Variants in MYO18A observed in about 807,000 individuals in gnomAD.
MYO18A encodes unconventional myosin-XVIIIa.
In MYO18A, 78 loss-of-function variants were observed where a neutral mutation model predicts 235.8. The observed-to-expected ratio is 0.33, with a 90% CI of 0.28 to 0.40. MYO18A has a LOEUF of 0.40. MYO18A is among the 10% of genes least tolerant of loss of function. MYO18A has a pLI of 1.00. For synonymous variants in MYO18A, 977 were observed against 1,077.8 expected, an observed-to-expected ratio of 0.91 and a Z score of 1.83; for missense variants, 2,215 against 2,699.3, an observed-to-expected ratio of 0.82 and a Z score of 3.98.
Position 29,105,854 on chromosome 17 carries a change from T to C in MYO18A, c.3441+1226A>G, listed in dbSNP as rs538932891. Among the ~76,000 whole-genome samples the C allele has an allele frequency of 9.2e-5, 14 of 152,140 alleles. 1 individual carries two copies. The highest frequency in any genetic ancestry group is 3.4e-4 in the African/African-American group (14 of 41,532). ...AGGAAGTCAAGTCCACAAAGTTGTATAATTTTCTCCCACCACCCTTGGGAG... is the reference window on the plus strand; with the variant it reads ...AGGAAGTCAAGTCCACAAAGTTGTACAATTTTCTCCCACCACCCTTGGGAG... On this transcript the variant is annotated intron_variant, in intron 20 of 41. Transcript: ENST00000527372.
At chr17:29,130,662 A>T (rs905907491) in intron 2 of MYO18A, among the ~76,000 whole-genome samples, 1 of 152,136 alleles carries the variant, frequency 6.6e-6, no homozygotes, top group Non-Finnish European at 1.5e-5. Flanking sequence ...TGAAGTAAGA[A>T]TATGTGTTGT....
In MYO18A at chr17:29,074,050, G is replaced by C; in HGVS notation, c.*720C>G. 1 of 1,614,048 alleles carries C rather than the reference G, an allele frequency of 6.2e-7. No individual in the cohort carries two copies. The highest frequency in any genetic ancestry group is 8.5e-7 in the Non-Finnish European group (1 of 1,180,014). On this transcript the variant is annotated 3_prime_UTR_variant, in exon 42 of 42. Coordinates refer to ENST00000527372, the MANE Select transcript of MYO18A (RefSeq NM_078471.4). The surrounding 1 kb of genome is among the most constrained non-coding windows in gnomAD (Gnocchi z 4.4). ...GTGCGGATGGTCCACACACACACTT[G>C]TCTGCGTAGGCTTGCTCAACCCAGC...
At position 29,158,410 on chromosome 17, in the gene MYO18A, G is replaced by A. The variant is rs1467339411; in HGVS notation, c.999+7532C>T. On this transcript the variant is annotated intron_variant, in intron 2 of 41. Transcript: ENST00000527372. The surrounding 1 kb of genome is among the most constrained non-coding windows in gnomAD (Gnocchi z 4.3). Reference sequence around the variant, plus strand: ...CTAACACTGTCCCCTGTATTTAACAGAACAGAAGCTGCTGCCAAACACCAT... The same window carrying A: ...CTAACACTGTCCCCTGTATTTAACAAAACAGAAGCTGCTGCCAAACACCAT... Among the ~76,000 whole-genome samples the A allele has an allele frequency of 6.6e-6, 1 of 152,192 alleles. No individual in the cohort carries two copies. The highest frequency in any genetic ancestry group is 2.4e-5 in the African/African-American group (1 of 41,440).
Position 29,115,844 on chromosome 17 carries a change from T to C in MYO18A, c.2051-4A>G. ...CGGGCAAACTGCTTGCGCCCAGCTGTGGAGTGGAAAAAGGGATCTGGCATC... is the reference window on the plus strand; with the variant it reads ...CGGGCAAACTGCTTGCGCCCAGCTGCGGAGTGGAAAAAGGGATCTGGCATC... On this transcript the variant is annotated splice_polypyrimidine_tract_variant and splice_region_variant and intron_variant, in intron 11 of 41. Coordinates refer to ENST00000527372, the MANE Select transcript of MYO18A (RefSeq NM_078471.4). The C allele has an allele frequency of 1.3e-6, 2 of 1,572,672 alleles. No homozygotes were observed. The highest frequency in any genetic ancestry group is 1.7e-6 in the Non-Finnish European group (2 of 1,159,034).
chr17:29,147,313 T>C (rs2067869406), intron 2 of MYO18A, among the ~76,000 whole-genome samples: 1 of 151,986 alleles, frequency 6.6e-6, no homozygotes, highest in South Asian at 2.1e-4. Context: ...GCTCAGGAGT[T>C]CAAGACCAGC....
chr17:29,089,639 C>A (rs1202376648), intron 37 of MYO18A, among the ~76,000 whole-genome samples: 1 of 152,138 alleles, frequency 6.6e-6, no homozygotes, highest in Non-Finnish European at 1.5e-5. Flanking sequence ...ATATTTATGA[C>A]CCTGCCAGAG....
At position 29,120,546 on chromosome 17, in the gene MYO18A, G is replaced by A. The variant is rs964986196; in HGVS notation, c.1728+70C>T. 1.0e-5 allele frequency: 16 copies of A among 1,540,284 alleles called. No individual in the cohort carries two copies. The highest frequency in any genetic ancestry group is 1.3e-5 in the Non-Finnish European group (15 of 1,138,748). On this transcript the variant is annotated intron_variant, in intron 7 of 41. Coordinates refer to ENST00000527372, the MANE Select transcript of MYO18A (RefSeq NM_078471.4). This position sits in a 1 kb window ranked among gnomAD's most constrained non-coding sequence, Gnocchi z 4.2. ...CCAGGAAAATGAGGCATGGGAGAGA[G>A]CCTGATGTCTAGGTCATGAAATCAT...
intron 36 of MYO18A, among the ~76,000 whole-genome samples, 173 bp downstream of exon 36, chr17:29,090,359 A>G (rs1230026416): frequency 6.6e-6 from 1 of 152,230 alleles, no homozygotes; most frequent in Non-Finnish European, 1.5e-5. Flanking sequence ...GGGGAAGCCC[A>G]AATGTCTGTT....
intron 1 of MYO18A, among the ~76,000 whole-genome samples, chr17:29,176,397 A>C (rs892824511): frequency 4.0e-5 from 6 of 151,458 alleles, no homozygotes; most frequent in African/African-American, 7.3e-5. Flanking sequence ...GAAAAAAAAA[A>C]CCCAGGAAAT....
chr17:29,162,313 G>A (rs534519625), intron 2 of MYO18A, among the ~76,000 whole-genome samples: 29 of 152,316 alleles, frequency 1.9e-4, no homozygotes, highest in African/African-American at 4.1e-4. Context: ...TCCCCAGCAC[G>A]GCTCACAGGG....
In MYO18A at chr17:29,126,178, T is replaced by A. The variant is rs1468245471; in HGVS notation, c.1000-3925A>T. 1.3e-5 allele frequency among the ~76,000 whole-genome samples: 2 copies of A among 152,120 alleles called. No homozygotes were observed. The highest frequency in any genetic ancestry group is 3.9e-4 in the East Asian group (2 of 5,184). On this transcript the variant is annotated intron_variant, in intron 2 of 41. Transcript: ENST00000527372. The surrounding 1 kb of genome is among the most constrained non-coding windows in gnomAD (Gnocchi z 4.1). ...GGGGTTATTTCTTCCCACCTGCCTA[T>A]CTTGAGCACCAAATGGCCCTATTAT...
Position 29,111,970 on chromosome 17 carries a change from CAT to C in MYO18A, c.2599-109_2599-108del, listed in dbSNP as rs2066940173. The C allele has an allele frequency of 7.4e-7, 1 of 1,345,684 alleles. No homozygotes were observed. The highest frequency in any genetic ancestry group is 2.4e-4 in the Middle Eastern group (1 of 4,212). 83.4% of individuals were successfully genotyped at this position (1,345,684 alleles called of 1,614,324 possible). A position where few individuals can be genotyped will look rare whatever the true frequency, so the allele number is the denominator to read the frequency against. The stretch of plus-strand genomic sequence containing the variant: ...CTACAGAATGCTACACATGTGCACA[CAT>C]GCACACACGCACATGCCGCAGCTCC... On this transcript the variant is annotated intron_variant, in intron 15 of 41. Transcript: ENST00000527372. The surrounding 1 kb of genome is among the most constrained non-coding windows in gnomAD (Gnocchi z 5.1).
In MYO18A at chr17:29,166,319, G is replaced by A; in HGVS notation, c.622C>T (p.Pro208Ser). The change falls in exon 2 of 42, where the codon CCC becomes TCC. Residue 208 changes from proline to serine, a missense_variant. By Grantham distance (74) the Pro-to-Ser change is moderately conservative. Coordinates refer to ENST00000527372, the MANE Select transcript of MYO18A (RefSeq NM_078471.4). Reference protein sequence around the residue: ...TKKFPVDLRLPPVVPLPPPTL... With the variant: ...TKKFPVDLRLSPVVPLPPPTL... ...GGTGGGGGCAGGGGCACCACGGGGG[G>A]CAGGCGCAGGTCGACTGGGAACTTT... 6.2e-7 allele frequency: 1 copy of A among 1,612,490 alleles called. No individual in the cohort carries two copies. Among genetic ancestry groups the A allele is most frequent in the Non-Finnish European group, 8.5e-7 (1 of 1,179,876 alleles).
intron 37 of MYO18A, among the ~76,000 whole-genome samples, chr17:29,089,703 A>G (rs2066349678): frequency 6.6e-6 from 1 of 152,190 alleles, no homozygotes; most frequent in African/African-American, 2.4e-5. Context: ...AAATATGAAG[A>G]CGAAGAGCTA....
chr17:29,144,965 T>C (rs2067817247), intron 2 of MYO18A, among the ~76,000 whole-genome samples: 2 of 152,220 alleles, frequency 1.3e-5, no homozygotes, highest in African/African-American at 2.4e-5. Context: ...AGCATAATAG[T>C]CATGTACAGC....
At chr17:29,179,309 T>A (rs1230463214) in intron 1 of MYO18A, among the ~76,000 whole-genome samples, 1 of 127,918 alleles carries the variant, frequency 7.8e-6, no homozygotes, top group African/African-American at 3.0e-5. Flanking sequence ...CCTTTCCAAC[T>A]AATCAGCAAG....
intron 33 of MYO18A, 85 bp from the exon 34 acceptor site, chr17:29,092,541 G>T: frequency 8.9e-7 from 1 of 1,121,004 alleles, no homozygotes; most frequent in Non-Finnish European, 1.3e-6. Context: ...AGGGAGCTCG[G>T]ATGCCCTCCT....
chr17:29,122,765 G>A (rs116294080), intron 2 of MYO18A, among the ~76,000 whole-genome samples: 21 of 152,322 alleles, frequency 1.4e-4, no homozygotes, highest in African/African-American at 4.8e-4. Flanking sequence ...GCGGGGAGTC[G>A]CCTGGACTTC....
intron 13 of MYO18A, 38 bp downstream of exon 13, chr17:29,115,313 C>T: frequency 6.2e-7 from 1 of 1,609,544 alleles, no homozygotes; most frequent in South Asian, 1.1e-5. Context: ...CCACCTCTGC[C>T]AAAGCAGGAA....
Sources: gnomAD v4.1 joint callset for allele counts (sites outside exome capture counted in the v4.1 genomes callset) on GRCh38, gnomAD v4.1.1 for gene constraint, Gnocchi (gnomAD v3.1) non-coding constraint, MANE v1.5 for transcripts, NCBI Gene and HGNC (gene_info 2026-07-23, HGNC 2026-07-21) for gene names.